Variants in MMP24 observed in about 807,000 individuals in gnomAD.
The protein encoded by MMP24 is matrix metalloproteinase-24.
MMP24 carries 25 observed loss-of-function variants against 62.8 expected under a neutral mutation model. That is an observed-to-expected ratio of 0.40 (90% CI 0.29 to 0.56). The LOEUF (loss-of-function observed/expected upper bound fraction) is 0.56. Among genes scored for constraint, MMP24 ranks in the 20% least tolerant of loss-of-function variants. The probability of loss-of-function intolerance (pLI) is 0.50; values close to 1 mark genes in which losing one functional copy is unlikely to be tolerated. For missense variants in MMP24, 634 were observed against 853.6 expected, an observed-to-expected ratio of 0.74 and a Z score of 3.21; for synonymous variants, 319 against 350.5, an observed-to-expected ratio of 0.91 and a Z score of 1.00.
chr20:35,239,191 C>T (rs1004022533), intron 1 of MMP24, among the ~76,000 whole-genome samples: 4 of 151,814 alleles, frequency 2.6e-5, no homozygotes, highest in Admixed American at 1.3e-4. Flanking sequence ...GGATTACAGG[C>T]GCACGCCCGG....
At chr20:35,272,385 C>T (rs559857600) in intron 8 of MMP24, among the ~76,000 whole-genome samples, 16 of 152,308 alleles carry the variant, frequency 1.1e-4, no homozygotes, top group African/African-American at 3.6e-4. Flanking sequence ...ATTATAGGCA[C>T]ATGCCACTGT....
At chr20:35,268,930 G>C (rs2060651784) in intron 6 of MMP24, among the ~76,000 whole-genome samples, 1 of 152,022 alleles carries the variant, frequency 6.6e-6, no homozygotes, top group Admixed American at 6.6e-5. Flanking sequence ...AGGAGGCTGA[G>C]GCAGGAGAAT....
intron 1 of MMP24, among the ~76,000 whole-genome samples, chr20:35,229,140 G>A (rs554333777): frequency 2.2e-4 from 33 of 152,254 alleles, no homozygotes; most frequent in African/African-American, 6.7e-4. Context: ...CCACCTTGAC[G>A]TTTGTCTGCC....
chr20:35,264,132 C>G (rs1215170115), intron 5 of MMP24, 180 bp downstream of exon 5: 2 of 622,418 alleles, frequency 3.2e-6, no homozygotes, highest in African/African-American at 3.8e-5. Flanking sequence ...CAAGGCTTCC[C>G]CTGGCACACC....
At chr20:35,254,073 T>C (rs2060562632) in intron 3 of MMP24, among the ~76,000 whole-genome samples, 1 of 152,190 alleles carries the variant, frequency 6.6e-6, no homozygotes, top group Non-Finnish European at 1.5e-5. Flanking sequence ...TTCACCATGT[T>C]GGTCAGGCTG....
chr20:35,234,367 T>C (rs999513350), intron 1 of MMP24, among the ~76,000 whole-genome samples: 2 of 152,206 alleles, frequency 1.3e-5, no homozygotes, highest in African/African-American at 2.4e-5. Flanking sequence ...TATTTCCATG[T>C]CTATCTCTCC....
At chr20:35,245,695 C>T (rs951396045) in intron 1 of MMP24, among the ~76,000 whole-genome samples, 5 of 151,782 alleles carry the variant, frequency 3.3e-5, no homozygotes, top group South Asian at 2.1e-4. Context: ...GTGATCCTCC[C>T]GCCTAGGCCT....
chr20:35,261,846 G>T (rs947445588), intron 4 of MMP24, among the ~76,000 whole-genome samples: 5 of 133,142 alleles, frequency 3.8e-5, no homozygotes, highest in African/African-American at 1.5e-4. Flanking sequence ...TGTTGCCCAA[G>T]CTGGAGTGCA....
At position 35,274,413 on chromosome 20, in the gene MMP24, G is replaced by A. The variant is rs374634355; in HGVS notation, c.1742G>A (p.Arg581Gln). The A allele has an allele frequency of 2.4e-5, 39 of 1,613,868 alleles. No individual in the cohort carries two copies. Among genetic ancestry groups the A allele is most frequent in the South Asian group, 9.9e-5 (9 of 91,076 alleles). ...GAGGTGGAGCGGCGGAAGGAGCGGC[G>A]GCTGCCCCAGGACGACGTGGACATC... Reference protein sequence around the residue: ...QKEVERRKERRLPQDDVDIMV... With the variant: ...QKEVERRKERQLPQDDVDIMV... The change falls in exon 9 of 9, where the codon CGG becomes CAG. Residue 581 changes from arginine to glutamine, a missense_variant. Coordinates refer to ENST00000246186, the MANE Select transcript of MMP24 (RefSeq NM_006690.4). This position sits in a 1 kb window ranked among gnomAD's most constrained non-coding sequence, Gnocchi z 5.1.
intron 5 of MMP24, 177 bp downstream of exon 5, chr20:35,264,129 TC>T: frequency 1.5e-6 from 1 of 660,958 alleles, no homozygotes; most frequent in East Asian, 3.5e-5. Flanking sequence ...GGGCAAGGCT[TC>T]CCCTGGCACA....
intron 1 of MMP24, among the ~76,000 whole-genome samples, chr20:35,234,584 G>A (rs946294743): frequency 6.6e-6 from 1 of 152,200 alleles, no homozygotes; most frequent in African/African-American, 2.4e-5. Flanking sequence ...ACCATGGGGA[G>A]GCCAGAGTAC....
At chr20:35,252,238 G>T (rs1363660213) in intron 3 of MMP24, among the ~76,000 whole-genome samples, 1 of 152,170 alleles carries the variant, frequency 6.6e-6, no homozygotes, top group Non-Finnish European at 1.5e-5. Context: ...CCAACCTCAG[G>T]TTTATTTGGT....
At chr20:35,272,353 A>C (rs1373908035) in intron 8 of MMP24, among the ~76,000 whole-genome samples, 1 of 152,178 alleles carries the variant, frequency 6.6e-6, no homozygotes, top group Non-Finnish European at 1.5e-5. Flanking sequence ...CTCCTGCCTC[A>C]TCAGCCTCCC....
Position 35,271,594 on chromosome 20 carries a change from G to A in MMP24, c.1359G>A (p.Glu453=). ...FKGDKYWVFK[E]VTVEPGYPHS... The stretch of plus-strand genomic sequence containing the variant: ...GTGACAAGTATTGGGTGTTTAAGGA[G>A]GTGACGGTGGAGCCTGGGTACCCCC... The change falls in exon 8 of 9, where the codon GAG becomes GAA. Residue 453 remains glutamate, a synonymous_variant. Transcript: ENST00000246186. The surrounding 1 kb of genome is among the most constrained non-coding windows in gnomAD (Gnocchi z 4.0). 1 of 1,613,052 alleles carries A rather than the reference G, an allele frequency of 6.2e-7. No individual in the cohort carries two copies. Among genetic ancestry groups the A allele is most frequent in the Non-Finnish European group, 8.5e-7 (1 of 1,179,578 alleles).
chr20:35,245,395 C>T (rs2060509087), intron 1 of MMP24, among the ~76,000 whole-genome samples: 1 of 152,134 alleles, frequency 6.6e-6, no homozygotes, highest in Non-Finnish European at 1.5e-5. Context: ...TTATCTCTCT[C>T]TCTTCTCTCT....
chr20:35,261,179 C>T (rs2060600584), intron 4 of MMP24, among the ~76,000 whole-genome samples: 1 of 152,198 alleles, frequency 6.6e-6, no homozygotes, highest in Non-Finnish European at 1.5e-5. Flanking sequence ...TACTTCATCC[C>T]CCTAAGTTCA....
chr20:35,237,431 T>A (rs150854834), intron 1 of MMP24, among the ~76,000 whole-genome samples: 410 of 152,338 alleles, frequency 2.7e-3, no homozygotes, highest in Non-Finnish European at 4.5e-3. Context: ...CTTCCTCTTA[T>A]AAGGATGCTT....
Position 35,264,176 on chromosome 20 carries a change from G to C in MMP24, c.979+224G>C, listed in dbSNP as rs571163290. 28 of 401,274 alleles carry C rather than the reference G, an allele frequency of 7.0e-5. No individual in the cohort carries two copies. In the Admixed American group the frequency reaches 8.7e-4, roughly 12 times the overall value. The allele number at this position is 401,274 out of a possible 1,614,324, so 24.9% of individuals were successfully genotyped here. A position where few individuals can be genotyped will look rare whatever the true frequency, so the allele number is the denominator to read the frequency against. Reference sequence around the variant, plus strand: ...CTAGGGGAGGGTCTGAGCTGTAACTGAGAGGGACAAAAGTGAGGTGAGGGC... The same window carrying C: ...CTAGGGGAGGGTCTGAGCTGTAACTCAGAGGGACAAAAGTGAGGTGAGGGC... On this transcript the variant is annotated intron_variant, in intron 5 of 8. Coordinates refer to ENST00000246186, the MANE Select transcript of MMP24 (RefSeq NM_006690.4).
intron 7 of MMP24, among the ~76,000 whole-genome samples, chr20:35,270,535 GT>G (rs1427584454): frequency 6.6e-6 from 1 of 152,242 alleles, no homozygotes; most frequent in Non-Finnish European, 1.5e-5. Context: ...CCAGAATGTG[GT>G]CTTGATCCAT....
Sources: allele counts gnomAD v4.1 joint callset (sites outside exome capture counted in the v4.1 genomes callset), GRCh38; gene constraint gnomAD v4.1.1; non-coding constraint Gnocchi (gnomAD v3.1); transcripts MANE v1.5; gene names NCBI Gene and HGNC (gene_info 2026-07-23, HGNC 2026-07-21).